The following FOCAD variants were observed in gnomAD, a reference collection of about 807,000 sequenced individuals.
FOCAD encodes the protein KIAA1797.
Under a neutral mutation model 225.6 loss-of-function variants are expected in FOCAD, and 198 were observed. That is an observed-to-expected ratio of 0.88 (90% CI 0.78 to 0.99). The LOEUF is 0.99. FOCAD is among the 50% of genes least tolerant of loss of function. The pLI is 0.00. For synonymous variants in FOCAD, 897 were observed against 755.0 expected, an observed-to-expected ratio of 1.19 and a Z score of -3.08; for missense variants, 2,713 against 2,123.6, an observed-to-expected ratio of 1.28 and a Z score of -5.46.
chr9:20,947,771 G>A (rs867568914), intron 30 of FOCAD, among the ~76,000 whole-genome samples: 1 of 152,034 alleles, frequency 6.6e-6, no homozygotes, highest in African/African-American at 2.4e-5. Flanking sequence ...GATGATAATG[G>A]GTTATTGCAG....
intron 2 of FOCAD, among the ~76,000 whole-genome samples, chr9:20,716,718 C>T (rs572960932): frequency 6.6e-6 from 1 of 152,066 alleles, no homozygotes; most frequent in Non-Finnish European, 1.5e-5. Flanking sequence ...GATTCACACA[C>T]GTTTTTTTTC....
intron 21 of FOCAD, among the ~76,000 whole-genome samples, chr9:20,901,222 G>C (rs1271551281): frequency 2.0e-5 from 3 of 151,318 alleles, no homozygotes; most frequent in Non-Finnish European, 3.0e-5. Context: ...GTGTGTGTGT[G>C]TGTGTGTGTG....
chr9:20,770,315 T>G, intron 8 of FOCAD, 77 bp downstream of exon 8: 3 of 1,340,528 alleles, frequency 2.2e-6, no homozygotes, highest in Non-Finnish European at 3.1e-6. Context: ...TATAAAGAAA[T>G]GAGGTTTAAT....
chr9:20,887,239 C>T (rs1409237001), intron 21 of FOCAD, among the ~76,000 whole-genome samples: 1 of 149,862 alleles, frequency 6.7e-6, no homozygotes, highest in African/African-American at 2.4e-5. Flanking sequence ...CTTTTTCTTT[C>T]TCTTTTTTTT....
intron 16 of FOCAD, chr9:20,863,130 G>C (rs778312118): frequency 6.5e-6 from 1 of 153,160 alleles, no homozygotes; most frequent in Admixed American, 6.6e-5. Context: ...TGAAATACTT[G>C]GTGGAAGATT....
chr9:20,788,696 G>C (rs1820200404), intron 10 of FOCAD, among the ~76,000 whole-genome samples: 1 of 152,150 alleles, frequency 6.6e-6, no homozygotes. Flanking sequence ...TATTTACAGA[G>C]CTCACCTTGG....
intron 35 of FOCAD, among the ~76,000 whole-genome samples, chr9:20,971,893 A>G (rs1373052106): frequency 6.6e-6 from 1 of 152,030 alleles, no homozygotes; most frequent in Non-Finnish European, 1.5e-5. Flanking sequence ...TAATGGCCTT[A>G]AGTTTCATCC....
intron 15 of FOCAD, among the ~76,000 whole-genome samples, chr9:20,855,791 ATTCTTT>A (rs1164689816): frequency 7.9e-6 from 1 of 125,968 alleles, no homozygotes; most frequent in Non-Finnish European, 1.8e-5. Flanking sequence ...TTACCCCTAT[ATTCTTT>A]TTTTTTTTTT....
At chr9:20,692,704 A>G (rs1447733444) in intron 1 of FOCAD, among the ~76,000 whole-genome samples, 1 of 152,164 alleles carries the variant, frequency 6.6e-6, no homozygotes, top group African/African-American at 2.4e-5. Context: ...ATGTTTCTTT[A>G]CGTAGTGGTG....
At chr9:20,981,088 T>A (rs901819711) in intron 37 of FOCAD, among the ~76,000 whole-genome samples, 1 of 152,238 alleles carries the variant, frequency 6.6e-6, no homozygotes, top group Non-Finnish European at 1.5e-5. Flanking sequence ...CTTTTAAAAC[T>A]GAAAAGTAAC....
At chr9:20,842,747 A>C (rs1424293787) in intron 15 of FOCAD, among the ~76,000 whole-genome samples, 1 of 151,930 alleles carries the variant, frequency 6.6e-6, no homozygotes, top group East Asian at 1.9e-4. Context: ...AGGGCTTATT[A>C]CTGCCATTTT....
chr9:20,823,726 A>G (rs1240459113), intron 15 of FOCAD, among the ~76,000 whole-genome samples: 2 of 152,110 alleles, frequency 1.3e-5, no homozygotes, highest in Admixed American at 6.6e-5. Flanking sequence ...CTTAGTGAAC[A>G]TATATACCCA....
chr9:20,701,574 A>G (rs532379232), intron 1 of FOCAD, among the ~76,000 whole-genome samples: 25 of 152,230 alleles, frequency 1.6e-4, no homozygotes, highest in Middle Eastern at 3.2e-3. Flanking sequence ...CAGATTGACA[A>G]TTGTCGTGAT....
chr9:20,659,478 A>G (rs982108396), intron 2 of FOCAD, among the ~76,000 whole-genome samples: 3 of 98,062 alleles, frequency 3.1e-5, no homozygotes, highest in African/African-American at 1.1e-4. Flanking sequence ...TGATTAAGAT[A>G]TAAGAAGAGG....
intron 35 of FOCAD, among the ~76,000 whole-genome samples, chr9:20,969,434 A>T (rs1210018099): frequency 2.0e-5 from 3 of 151,968 alleles, no homozygotes; most frequent in Admixed American, 2.0e-4. Flanking sequence ...GTCAGTATTT[A>T]TATATTTGGG....
At chr9:20,845,442 G>GATATAT (rs3086547) in intron 15 of FOCAD, among the ~76,000 whole-genome samples, 6,443 of 121,158 alleles carry the variant, frequency 0.053, 309 homozygotes, top group African/African-American at 0.067. Flanking sequence ...TCTTTTCCTC[G>GATATAT]ATATATATAT....
intron 39 of FOCAD, among the ~76,000 whole-genome samples, 196 bp from the exon 40 acceptor site, chr9:20,986,092 G>A (rs1040904846): frequency 6.6e-6 from 1 of 152,018 alleles, no homozygotes; most frequent in African/African-American, 2.4e-5. Context: ...TAATGAAGGA[G>A]CAGGAGATGG....
At chr9:20,728,633 G>T (rs1826411185) in intron 4 of FOCAD, among the ~76,000 whole-genome samples, 1 of 152,164 alleles carries the variant, frequency 6.6e-6, no homozygotes, top group South Asian at 2.1e-4. Context: ...TACTGTGCTT[G>T]TGGCTTAGTT....
intron 35 of FOCAD, among the ~76,000 whole-genome samples, chr9:20,962,695 G>A (rs1464062093): frequency 2.0e-5 from 3 of 152,042 alleles, no homozygotes; most frequent in African/African-American, 4.8e-5. Flanking sequence ...CATTATGTTC[G>A]GATATACTGT....
Sources: gnomAD v4.1 joint callset for allele counts (sites outside exome capture counted in the v4.1 genomes callset) on GRCh38, gnomAD v4.1.1 for gene constraint, MANE v1.5 for transcripts, NCBI Gene and HGNC (gene_info 2026-07-23, HGNC 2026-07-21) for gene names.